PLAA: variants seen among roughly 807,000 people sequenced by gnomAD.
PLAA encodes the protein phospholipase A2 activating protein, also known as phospholipase A-2-activating protein.
In PLAA, 48 loss-of-function variants were observed where a neutral mutation model predicts 84.1. The ratio of observed to expected loss-of-function variants is 0.57; its 90% CI spans 0.45 to 0.73. The LOEUF is 0.73. Ranked by LOEUF, PLAA falls within the 30% of genes least tolerant of loss-of-function variation. PLAA has a pLI of 0.00. For missense variants in PLAA, 903 were observed against 954.7 expected, an observed-to-expected ratio of 0.95 and a Z score of 0.71; for synonymous variants, 392 against 336.6, an observed-to-expected ratio of 1.16 and a Z score of -1.80.
At chr9:26,917,977 C>A (rs1425067551) in intron 9 of PLAA, among the ~76,000 whole-genome samples, 1 of 152,218 alleles carries the variant, frequency 6.6e-6, no homozygotes, top group Admixed American at 6.5e-5. Flanking sequence ...TCTGTGTTCA[C>A]TCTTGAACTA....
chr9:26,908,166 T>C (rs1003786457), intron 12 of PLAA, among the ~76,000 whole-genome samples, 168 bp from the exon 13 acceptor site: 3 of 146,532 alleles, frequency 2.0e-5, no homozygotes, highest in Admixed American at 1.4e-4. Flanking sequence ...ATGAGCTTTG[T>C]CTTTTTTTTT....
chr9:26,936,211 T>A (rs932255806), intron 1 of PLAA, among the ~76,000 whole-genome samples: 4 of 151,738 alleles, frequency 2.6e-5, no homozygotes, highest in African/African-American at 7.3e-5. Context: ...TTATGTTTTT[T>A]AATAAAGGCT....
At chr9:26,936,394 T>G (rs1002896367) in intron 1 of PLAA, among the ~76,000 whole-genome samples, 1 of 152,152 alleles carries the variant, frequency 6.6e-6, no homozygotes, top group Non-Finnish European at 1.5e-5. Context: ...TAGAGAATAT[T>G]CTGGGAAGTC....
intron 6 of PLAA, among the ~76,000 whole-genome samples, chr9:26,925,212 C>G (rs530028121): frequency 4.1e-4 from 62 of 152,276 alleles, no homozygotes; most frequent in African/African-American, 1.5e-3. Context: ...GCAGTTAAAT[C>G]CAATCTACAT....
Position 26,947,057 on chromosome 9 carries a change from G to A in PLAA, c.-12C>T. ...GCGCCGCTCGTCATGGCCAGTGTCT[G>A]TCTGGCGCCCGGTGCCCAGGCACTG... On this transcript the variant is annotated 5_prime_UTR_variant, in exon 1 of 14. Coordinates refer to ENST00000397292, the MANE Select transcript of PLAA (RefSeq NM_001031689.3). 1 of 1,566,756 alleles carries A rather than the reference G, an allele frequency of 6.4e-7. No individual in the cohort carries two copies. Among genetic ancestry groups the A allele is most frequent in the Non-Finnish European group, 8.6e-7 (1 of 1,157,064 alleles).
intron 4 of PLAA, among the ~76,000 whole-genome samples, chr9:26,926,993 A>T (rs1419375291): frequency 2.0e-5 from 3 of 152,124 alleles, no homozygotes; most frequent in African/African-American, 7.2e-5. Context: ...TATGTTCAGT[A>T]TCTGTTGACT....
At chr9:26,925,324 A>G (rs937374900) in intron 6 of PLAA, among the ~76,000 whole-genome samples, 1 of 152,252 alleles carries the variant, frequency 6.6e-6, no homozygotes, top group African/African-American at 2.4e-5. Flanking sequence ...GCATGAAAGC[A>G]CTAAAGGTTC....
At chr9:26,944,659 C>T (rs1563922916) in intron 1 of PLAA, among the ~76,000 whole-genome samples, 1 of 152,204 alleles carries the variant, frequency 6.6e-6, no homozygotes. Flanking sequence ...TTGGGCCACT[C>T]TTACAGCCAC....
chr9:26,926,415 T>C lies in PLAA; in HGVS notation c.711A>G (p.Ile237Met). 1 of 1,606,796 alleles carries C rather than the reference T, an allele frequency of 6.2e-7. No individual in the cohort carries two copies. The highest frequency in any genetic ancestry group is 8.5e-7 in the Non-Finnish European group (1 of 1,173,790). ...YYGHTNYIYS[I>M]SVFPNCRDFV... ...TACCTCTACAATTTGGAAAAACGGA[T>C]ATGCTATAAATATAATTTGTATGTC... is the stretch of plus-strand genomic sequence containing the variant. Residue 237 changes from isoleucine (I) to methionine (M), a missense_variant, in exon 5 of 14, where the codon ATA (isoleucine) becomes ATG (methionine). Transcript: ENST00000397292.
Position 26,935,145 on chromosome 9 carries a change from C to G in PLAA, c.211G>C (p.Val71Leu). Reference sequence around the variant, plus strand: ...ATGTCACTTGAGGGTATGATGCATACACAAGATACAAAATTGGAATGGCCA... The same window carrying G: ...ATGTCACTTGAGGGTATGATGCATAGACAAGATACAAAATTGGAATGGCCA... The part of the protein sequence containing the change: ...MSGHSNFVSC[V>L]CIIPSSDIYP... The change falls in exon 2 of 14, where the codon GTA becomes CTA. Residue 71 changes from valine to leucine, a missense_variant. Physicochemically the swap from Val to Leu is conservative, Grantham distance 32. Coordinates refer to ENST00000397292, the MANE Select transcript of PLAA (RefSeq NM_001031689.3). The G allele has an allele frequency of 6.3e-7, 1 of 1,599,924 alleles. No individual in the cohort carries two copies. Among genetic ancestry groups the G allele is most frequent in the Non-Finnish European group, 8.5e-7 (1 of 1,175,886 alleles).
chr9:26,939,910 T>C (rs186999533), intron 1 of PLAA, among the ~76,000 whole-genome samples: 140 of 152,292 alleles, frequency 9.2e-4, no homozygotes, highest in Non-Finnish European at 1.5e-4. Context: ...ATAATTGAAG[T>C]GATATATAGA....
At chr9:26,911,914 C>A (rs770507242) in intron 11 of PLAA, among the ~76,000 whole-genome samples, 14 of 152,004 alleles carry the variant, frequency 9.2e-5, no homozygotes, top group Non-Finnish European at 2.1e-4. Context: ...GATTGGTGTA[C>A]AAAATTAATT....
intron 11 of PLAA, among the ~76,000 whole-genome samples, chr9:26,911,011 C>T (rs540795563): frequency 6.6e-6 from 1 of 152,104 alleles, no homozygotes; most frequent in South Asian, 2.1e-4. Context: ...TTATAAATCC[C>T]CAAGTTGTAA....
intron 10 of PLAA, among the ~76,000 whole-genome samples, chr9:26,914,218 A>T (rs566684664): frequency 6.6e-6 from 1 of 151,334 alleles, no homozygotes; most frequent in Non-Finnish European, 1.5e-5. Flanking sequence ...GGAGAGAAAT[A>T]AAAGTTTCCA....
chr9:26,922,948 T>C (rs773635294), intron 7 of PLAA, among the ~76,000 whole-genome samples: 4 of 152,286 alleles, frequency 2.6e-5, no homozygotes, highest in Middle Eastern at 6.8e-3. Flanking sequence ...GATCTAAGTG[T>C]TGGGAGATTT....
rs1481115351 is a variant in PLAA at position 26,905,253 on chromosome 9, TC to T, written c.*257del. 7.2e-6 allele frequency: 3 copies of T among 414,472 alleles called. No homozygotes were observed. Among genetic ancestry groups the T allele is most frequent in the African/African-American group, 2.0e-5 (1 of 49,070 alleles). The allele number at this position is 414,472 out of a possible 1,614,324, so 25.7% of individuals were successfully genotyped here. On this transcript the variant is annotated 3_prime_UTR_variant, in exon 14 of 14. Coordinates refer to ENST00000397292, the MANE Select transcript of PLAA (RefSeq NM_001031689.3). ...CTAAGGTAAGGGGAAGATGTCATTG[TC>T]ATTGTGTTGTTGCTGATTATAGCTT...
In PLAA at chr9:26,919,521, A is replaced by G; in HGVS notation, c.1206T>C (p.Asp402=). The change falls in exon 9 of 14, where the codon GAT becomes GAC. Residue 402 remains aspartate (D), a synonymous_variant. Transcript: ENST00000397292. ...CATTGACATCAATTGAGAAAACATA[A>G]TCAAATTCCTAAAGTAGGAATATAA... ...GKVLYEGKEF[D]YVFSIDVNEG... is the part of the protein sequence containing the mutation. The G allele has an allele frequency of 6.4e-7, 1 of 1,574,132 alleles. No homozygotes were observed. The highest frequency in any genetic ancestry group is 1.1e-5 in the South Asian group (1 of 89,840).
At chr9:26,906,114 A>C in intron 13 of PLAA, 38 bp from the exon 14 acceptor site, 1 of 1,308,996 alleles carries the variant, frequency 7.6e-7, no homozygotes, top group Non-Finnish European at 1.0e-6. Context: ...TTATGAAAAT[A>C]AAGAAAATTT....
intron 6 of PLAA, among the ~76,000 whole-genome samples, chr9:26,924,562 G>T (rs963531927): frequency 2.0e-5 from 3 of 151,906 alleles, no homozygotes; most frequent in African/African-American, 7.3e-5. Flanking sequence ...TGTGATTGAT[G>T]CCAAAAGTCA....
Sources: allele counts gnomAD v4.1 joint callset (sites outside exome capture counted in the v4.1 genomes callset), GRCh38; gene constraint gnomAD v4.1.1; transcripts MANE v1.5; gene names NCBI Gene and HGNC (gene_info 2026-07-23, HGNC 2026-07-21).